C2CD3: variants seen among roughly 807,000 people sequenced by gnomAD.
The protein encoded by C2CD3 is C2 domain containing 3 centriole elongation regulator, also known as C2 domain-containing protein 3.
C2CD3 carries 148 observed loss-of-function variants against 234.0 expected under a neutral mutation model. The ratio of observed to expected loss-of-function variants is 0.63; its 90% CI spans 0.55 to 0.72. The LOEUF is 0.72. Ranked by LOEUF, C2CD3 falls within the 30% of genes least tolerant of loss-of-function variation. C2CD3 has a pLI of 0.00. For synonymous variants in C2CD3, 1,000 were observed against 1,035.4 expected, an observed-to-expected ratio of 0.97 and a Z score of 0.66; for missense variants, 2,577 against 2,811.5, an observed-to-expected ratio of 0.92 and a Z score of 1.89.
intron 3 of C2CD3, among the ~76,000 whole-genome samples, chr11:74,160,119 A>G (rs1415435595): frequency 6.6e-6 from 1 of 152,198 alleles, no homozygotes; most frequent in Non-Finnish European, 1.5e-5. Context: ...GCTATACCCT[A>G]AGCCTAGGTG....
chr11:74,098,335 T>C (rs1956188607), intron 15 of C2CD3, 80 bp from the exon 16 acceptor site: 2 of 1,458,448 alleles, frequency 1.4e-6, no homozygotes, highest in Non-Finnish European at 1.9e-6. Context: ...GACTCATTTT[T>C]TCAGTTTGTT....
Position 74,138,954 on chromosome 11 carries a change from C to A in C2CD3, c.721G>T (p.Val241Leu). ...GTATCAGGGTTCTCTGCAAAGCATACATGGTCTTTTCCCCTGTTTTTTTAA... is the reference window on the plus strand; with the variant it reads ...GTATCAGGGTTCTCTGCAAAGCATAAATGGTCTTTTCCCCTGTTTTTTTAA... ...RSTTPRGKDH[V>L]CFAENPDTIK... The change falls in exon 5 of 33, where the codon GTA (valine) becomes TTA (leucine). Residue 241 changes from valine (V) to leucine (L), a missense_variant. Physicochemically the swap from Val to Leu is conservative, Grantham distance 32. Coordinates refer to ENST00000334126, the MANE Select transcript of C2CD3 (RefSeq NM_001286577.2). The A allele has an allele frequency of 6.2e-7, 1 of 1,610,364 alleles. No individual in the cohort carries two copies. Among genetic ancestry groups the A allele is most frequent in the South Asian group, 1.1e-5 (1 of 90,740 alleles).
At chr11:74,158,121 CA>C (rs1320206663) in intron 3 of C2CD3, among the ~76,000 whole-genome samples, 1 of 152,064 alleles carries the variant, frequency 6.6e-6, no homozygotes, top group East Asian at 1.9e-4. Context: ...GACATTGGTC[CA>C]GGCAAGGATT....
chr11:74,025,434 C>T lies in C2CD3; in HGVS notation c.6921+2853G>A, dbSNP rs542691415. On this transcript the variant is annotated intron_variant, in intron 32 of 32. Transcript: ENST00000334126. Reference sequence around the variant, plus strand: ...AACATGGTGAAACCCTGTCTGTCTACTAAAAATACAAAAATGCTCCTGGGA... The same window carrying T: ...AACATGGTGAAACCCTGTCTGTCTATTAAAAATACAAAAATGCTCCTGGGA... Among the ~76,000 whole-genome samples the T allele has an allele frequency of 1.3e-4, 20 of 152,076 alleles. No homozygotes were observed. The South Asian group carries it at 2.9e-3, about 22-fold the overall frequency.
At chr11:74,146,723 C>CAA (rs1396813191) in intron 3 of C2CD3, among the ~76,000 whole-genome samples, 1 of 143,494 alleles carries the variant, frequency 7.0e-6, no homozygotes, top group Non-Finnish European at 1.5e-5. Context: ...CACACACACA[C>CAA]ACACACACAC....
chr11:74,109,016 C>G lies in C2CD3; in HGVS notation c.1962+18G>C, dbSNP rs1309053752. 1 of 1,392,774 alleles carries G rather than the reference C, an allele frequency of 7.2e-7. No individual in the cohort carries two copies. Among genetic ancestry groups the G allele is most frequent in the South Asian group, 1.2e-5 (1 of 85,590 alleles). 86.3% of individuals were successfully genotyped at this position (1,392,774 alleles called of 1,614,324 possible). A position where few individuals can be genotyped will look rare whatever the true frequency, so the allele number is the denominator to read the frequency against. ...CCTAGTGTGAAGGTAAGGCAAAGGC[C>G]AAAATCACTCAAAGTACCTTTTTCT... On this transcript the variant is annotated intron_variant, in intron 12 of 32. Coordinates refer to ENST00000334126, the MANE Select transcript of C2CD3 (RefSeq NM_001286577.2).
intron 13 of C2CD3, 90 bp downstream of exon 13, chr11:74,106,281 G>T: frequency 1.6e-6 from 2 of 1,268,062 alleles, no homozygotes; most frequent in Non-Finnish European, 2.2e-6. Context: ...CAAAGACCTT[G>T]CTTTTCTTGT....
chr11:74,048,754 T>C (rs989307577), intron 27 of C2CD3, among the ~76,000 whole-genome samples: 2 of 152,212 alleles, frequency 1.3e-5, no homozygotes, highest in Non-Finnish European at 1.5e-5. Flanking sequence ...TCTGTTTTCT[T>C]ATGCATGCTT....
intron 10 of C2CD3, 58 bp downstream of exon 10, chr11:74,114,326 A>G: frequency 8.9e-7 from 1 of 1,129,264 alleles, no homozygotes; most frequent in South Asian, 1.3e-5. Context: ...GTTGATTATT[A>G]CCATCAGACA....
At chr11:74,148,802 C>T (rs1269029492) in intron 3 of C2CD3, among the ~76,000 whole-genome samples, 2 of 152,154 alleles carry the variant, frequency 1.3e-5, no homozygotes, top group African/African-American at 4.8e-5. Context: ...GCTACACTTA[C>T]CCCTCTTTTC....
chr11:74,065,969 T>C (rs1223572626), intron 24 of C2CD3, among the ~76,000 whole-genome samples: 1 of 151,262 alleles, frequency 6.6e-6, no homozygotes. Context: ...AAGTAAATGA[T>C]AAGTTAACGG....
chr11:74,132,857 G>A lies in C2CD3; in HGVS notation c.1204C>T (p.Leu402=). 3 of 1,613,728 alleles carry A rather than the reference G, an allele frequency of 1.9e-6. No individual in the cohort carries two copies. Among genetic ancestry groups the A allele is most frequent in the Non-Finnish European group, 2.5e-6 (3 of 1,179,828 alleles). ...AATAGTGCTTACCTGCCTAATAGCA[G>A]CTGTATAGCTCTGGTATCAGCTTTT... ...DTKADTRAIQ[L]LLGSAELSQG... The change falls in exon 7 of 33, where the codon CTG becomes TTG. Residue 402 remains leucine (L), a synonymous_variant. Coordinates refer to ENST00000334126, the MANE Select transcript of C2CD3 (RefSeq NM_001286577.2).
chr11:74,072,142 A>T (rs1954823854), intron 24 of C2CD3, among the ~76,000 whole-genome samples: 1 of 151,664 alleles, frequency 6.6e-6, no homozygotes, highest in South Asian at 2.1e-4. Flanking sequence ...GGGGCAGAAA[A>T]TTTTTTTTTC....
rs1460194936 is a variant in C2CD3, at chr11:74,085,861, G to A, written c.3667C>T (p.Leu1223=). The change falls in exon 21 of 33, where the codon CTA becomes TTA. Residue 1223 remains leucine (L), a synonymous_variant. Transcript: ENST00000334126. ...ACCCCGACTGTGGCACTAAACTGTAGAGCGGGTTCCCGTTCAGCCAAAGCC... is the reference window on the plus strand; with the variant it reads ...ACCCCGACTGTGGCACTAAACTGTAAAGCGGGTTCCCGTTCAGCCAAAGCC... ...AKALAEREPA[L]QFSATVGVNA... is the part of the protein sequence containing the mutation. 1 of 1,613,588 alleles carries A rather than the reference G, an allele frequency of 6.2e-7. No individual in the cohort carries two copies. Among genetic ancestry groups the A allele is most frequent in the Non-Finnish European group, 8.5e-7 (1 of 1,179,676 alleles).
intron 2 of C2CD3, among the ~76,000 whole-genome samples, chr11:74,163,117 C>T (rs1375224843): frequency 6.6e-6 from 1 of 152,018 alleles, no homozygotes; most frequent in Non-Finnish European, 1.5e-5. Context: ...GAAAATGGTT[C>T]GTTTTCAGCA....
intron 2 of C2CD3, 165 bp downstream of exon 2, chr11:74,168,179 C>T: frequency 3.3e-6 from 2 of 613,140 alleles, no homozygotes; most frequent in East Asian, 5.5e-5. Context: ...CACACAGTAA[C>T]ACTCAATAAA....
intron 16 of C2CD3, among the ~76,000 whole-genome samples, chr11:74,097,432 A>G (rs764590047): frequency 2.0e-5 from 3 of 152,208 alleles, no homozygotes; most frequent in South Asian, 4.1e-4. Context: ...CTGAATCCCA[A>G]TTCTCTCATT....
intron 3 of C2CD3, among the ~76,000 whole-genome samples, chr11:74,150,642 T>G (rs1334335639): frequency 1.3e-5 from 2 of 151,942 alleles, no homozygotes; most frequent in African/African-American, 4.8e-5. Flanking sequence ...TCATGTTTCA[T>G]TTATACCTTT....
intron 7 of C2CD3, among the ~76,000 whole-genome samples, chr11:74,128,160 G>A (rs999298033): frequency 4.6e-5 from 7 of 152,146 alleles, no homozygotes; most frequent in Non-Finnish European, 1.0e-4. Flanking sequence ...ACCACGCCCA[G>A]CCATATTGGC....
Sources: gnomAD v4.1 joint callset for allele counts (sites outside exome capture counted in the v4.1 genomes callset) on GRCh38, gnomAD v4.1.1 for gene constraint, MANE v1.5 for transcripts, NCBI Gene and HGNC (gene_info 2026-07-23, HGNC 2026-07-21) for gene names.